Variants in FBXO21 observed in about 807,000 individuals in gnomAD.
FBXO21 encodes F-box protein 21, also known as F-box only protein 21.
Under a neutral mutation model 76.6 loss-of-function variants are expected in FBXO21, and 32 were observed. That is an observed-to-expected ratio of 0.42 (90% CI 0.32 to 0.56). The LOEUF (loss-of-function observed/expected upper bound fraction) is 0.56, where lower values mean the gene tolerates loss of function less well. Among genes scored for constraint, FBXO21 ranks in the 20% least tolerant of loss-of-function variants. The pLI is 0.16. For missense variants in FBXO21, 586 were observed against 797.3 expected, an observed-to-expected ratio of 0.73 and a Z score of 3.19; for synonymous variants, 328 against 311.5, an observed-to-expected ratio of 1.05 and a Z score of -0.56.
At chr12:117,150,337 T>C (rs534146768) in intron 11 of FBXO21, among the ~76,000 whole-genome samples, 1 of 152,306 alleles carries the variant, frequency 6.6e-6, no homozygotes, top group East Asian at 1.9e-4. Flanking sequence ...AATATATGAA[T>C]AAATACTATG....
At chr12:117,161,824 A>C (rs1955980401) in intron 9 of FBXO21, among the ~76,000 whole-genome samples, 1 of 152,208 alleles carries the variant, frequency 6.6e-6, no homozygotes, top group Admixed American at 6.5e-5. Context: ...GAAGGGAGGA[A>C]ATAGCAAGAG....
At chr12:117,158,730 T>G (rs1020000194) in intron 9 of FBXO21, among the ~76,000 whole-genome samples, 2 of 152,180 alleles carry the variant, frequency 1.3e-5, no homozygotes, top group Non-Finnish European at 2.9e-5. Context: ...TCATGGTATT[T>G]GGTATTCAGC....
chr12:117,161,608 G>A (rs76828871), intron 9 of FBXO21, among the ~76,000 whole-genome samples: 2,002 of 152,300 alleles, frequency 0.013, 61 homozygotes, highest in Admixed American at 0.068. Flanking sequence ...TGGTCTCAGC[G>A]GGTCGACTTT....
intron 9 of FBXO21, among the ~76,000 whole-genome samples, chr12:117,159,660 A>T (rs1444888065): frequency 6.6e-6 from 1 of 152,142 alleles, no homozygotes; most frequent in Non-Finnish European, 1.5e-5. Context: ...CTTTACTTTA[A>T]TAGGAAGCGC....
In FBXO21 at chr12:117,188,136, T is replaced by C. The variant is rs182823679; in HGVS notation, c.375+1091A>G. Among the ~76,000 whole-genome samples the C allele has an allele frequency of 5.9e-5, 9 of 152,360 alleles. No homozygotes were observed. In the East Asian group the frequency reaches 1.7e-3, roughly 29 times the overall value. Reference sequence around the variant, plus strand: ...AAACAAAAAAGTGAAATAAATCAGATTGGCTCTATTTCTAGAACCCCAACC... The same window carrying C: ...AAACAAAAAAGTGAAATAAATCAGACTGGCTCTATTTCTAGAACCCCAACC... On this transcript the variant is annotated intron_variant, in intron 2 of 11. Transcript: ENST00000622495.
chr12:117,157,322 T>C (rs1955928284), intron 10 of FBXO21, among the ~76,000 whole-genome samples: 1 of 152,066 alleles, frequency 6.6e-6, no homozygotes, highest in Non-Finnish European at 1.5e-5. Flanking sequence ...AAACAGAAAT[T>C]AAAACCACAG....
intron 3 of FBXO21, among the ~76,000 whole-genome samples, chr12:117,184,145 T>C (rs371867224): frequency 9.9e-5 from 15 of 151,928 alleles, no homozygotes; most frequent in East Asian, 3.8e-4. Context: ...AATTTAGTCT[T>C]CTGTATATAT....
At chr12:117,186,157 G>A (rs767132227) in intron 3 of FBXO21, among the ~76,000 whole-genome samples, 21 of 152,190 alleles carry the variant, frequency 1.4e-4, no homozygotes, top group Non-Finnish European at 2.8e-4. Context: ...GATTACAGGC[G>A]TGAGCCACCG....
At chr12:117,161,651 G>T (rs530474060) in intron 9 of FBXO21, among the ~76,000 whole-genome samples, 4 of 152,266 alleles carry the variant, frequency 2.6e-5, no homozygotes, top group South Asian at 2.1e-4. Flanking sequence ...ACGTGCAGGG[G>T]TGTAGCAGGT....
intron 4 of FBXO21, 146 bp from the exon 5 acceptor site, chr12:117,174,943 A>G (rs1956158956): frequency 1.6e-6 from 1 of 618,702 alleles, no homozygotes; most frequent in Non-Finnish European, 2.7e-6. Context: ...CCTTGCTGCT[A>G]ACACACTGAG....
intron 11 of FBXO21, among the ~76,000 whole-genome samples, chr12:117,150,969 TGTG>T (rs1955835268): frequency 7.1e-6 from 1 of 140,832 alleles, no homozygotes; most frequent in African/African-American, 2.7e-5. Flanking sequence ...TGTGTGTGTG[TGTG>T]TGTGTGTGTG....
chr12:117,175,222 A>C (rs1330595644), intron 4 of FBXO21, among the ~76,000 whole-genome samples: 3 of 152,182 alleles, frequency 2.0e-5, no homozygotes, highest in East Asian at 3.8e-4. Context: ...ACAAAAAAAA[A>C]CAACTTGAAA....
intron 9 of FBXO21, among the ~76,000 whole-genome samples, chr12:117,159,793 C>T (rs1304628578): frequency 6.6e-6 from 1 of 152,168 alleles, no homozygotes; most frequent in Non-Finnish European, 1.5e-5. Context: ...CAGCCACCTC[C>T]CCATCAGATA....
At chr12:117,165,231 C>T (rs780598276) in intron 9 of FBXO21, among the ~76,000 whole-genome samples, 5 of 152,144 alleles carry the variant, frequency 3.3e-5, no homozygotes, top group African/African-American at 4.8e-5. Flanking sequence ...GGTTGAGTAG[C>T]GGGTACAGAG....
At chr12:117,177,729 T>C (rs1956189117) in intron 3 of FBXO21, 88 bp from the exon 4 acceptor site, 7 of 1,108,616 alleles carry the variant, frequency 6.3e-6, no homozygotes, top group South Asian at 1.5e-5. Context: ...TGTAGTTTGC[T>C]TAACAAGAAA....
rs1253876839 is a variant in FBXO21, at chr12:117,145,325, C to T, written c.*762G>A. 2 of 152,048 alleles carry T rather than the reference C, an allele frequency of 1.3e-5. No individual in the cohort carries two copies. The highest frequency in any genetic ancestry group is 2.9e-5 in the Non-Finnish European group (2 of 67,968). The allele number at this position is 152,048 out of a possible 1,614,324, so 9.4% of individuals were successfully genotyped here. On this transcript the variant is annotated 3_prime_UTR_variant, in exon 12 of 12. Transcript: ENST00000622495. ...GTAGATGAGTATGGAAAAATCCATT[C>T]ACAAAGTTCACTATTTGCATTTTCT...
chr12:117,159,829 G>C (rs934067768), intron 9 of FBXO21, among the ~76,000 whole-genome samples: 1 of 152,140 alleles, frequency 6.6e-6, no homozygotes, highest in Non-Finnish European at 1.5e-5. Context: ...ACTTGGCATC[G>C]TCAGAGAACA....
At chr12:117,176,052 A>G (rs772499060) in intron 4 of FBXO21, among the ~76,000 whole-genome samples, 1 of 152,202 alleles carries the variant, frequency 6.6e-6, no homozygotes, top group Non-Finnish European at 1.5e-5. Flanking sequence ...CAGATGTTTC[A>G]TTTCCTTTTG....
intron 3 of FBXO21, among the ~76,000 whole-genome samples, chr12:117,184,740 C>T (rs1271269167): frequency 1.3e-5 from 2 of 152,024 alleles, no homozygotes; most frequent in Non-Finnish European, 2.9e-5. Context: ...GAGCGAAATT[C>T]CATCTCAAAA....
Sources: gnomAD v4.1 joint callset for allele counts (sites outside exome capture counted in the v4.1 genomes callset) on GRCh38, gnomAD v4.1.1 for gene constraint, MANE v1.5 for transcripts, NCBI Gene and HGNC (gene_info 2026-07-23, HGNC 2026-07-21) for gene names.